The following ITCH variants were observed in gnomAD, a reference collection of about 807,000 sequenced individuals.
The protein encoded by ITCH is itchy E3 ubiquitin protein ligase.
Under a neutral mutation model 126.8 loss-of-function variants are expected in ITCH, and 28 were observed. That is an observed-to-expected ratio of 0.22 (90% CI 0.16 to 0.30). ITCH has a LOEUF of 0.30. Ranked by LOEUF, ITCH falls within the 10% of genes least tolerant of loss-of-function variation. The pLI is 1.00. For synonymous variants in ITCH, 342 were observed against 340.0 expected, an observed-to-expected ratio of 1.01 and a Z score of -0.06; for missense variants, 631 against 1,032.4, an observed-to-expected ratio of 0.61 and a Z score of 5.33.
At position 34,382,536 on chromosome 20, in the gene ITCH, G is replaced by T. The variant is rs150005803; in HGVS notation, c.-21-11255G>T. 4.7e-3 allele frequency among the ~76,000 whole-genome samples: 702 copies of T among 150,924 alleles called. 15 individuals are homozygous for T. Among genetic ancestry groups the T allele is most frequent in the African/African-American group, 0.016 (642 of 41,024 alleles). ...ATTCTCTGTCTCAGCCTCTCAAGTG[G>T]CTGGAATTACAGGCGCCTGCCACCA... On this transcript the variant is annotated intron_variant, in intron 2 of 24. Coordinates refer to ENST00000374864, the MANE Select transcript of ITCH (RefSeq NM_031483.7).
At chr20:34,396,035 A>T (rs865830193) in intron 3 of ITCH, among the ~76,000 whole-genome samples, 5,615 of 136,580 alleles carry the variant, frequency 0.041, 139 homozygotes, top group Non-Finnish European at 0.043. Context: ...TATTATTATT[A>T]TTTTTTTTTT....
chr20:34,490,884 A>T (rs144001130), intron 22 of ITCH, among the ~76,000 whole-genome samples: 5 of 152,348 alleles, frequency 3.3e-5, no homozygotes, highest in Admixed American at 1.3e-4. Flanking sequence ...CTTGTACACC[A>T]GTATTCATCA....
In ITCH at chr20:34,440,353, CTT is replaced by C. The variant is rs767774790; in HGVS notation, c.869+13_869+14del. 4 of 1,602,422 alleles carry C rather than the reference CTT, an allele frequency of 2.5e-6. No individual in the cohort carries two copies. Among genetic ancestry groups the C allele is most frequent in the South Asian group, 1.1e-5 (1 of 90,846 alleles). On this transcript the variant is annotated intron_variant, in intron 9 of 24. Coordinates refer to ENST00000374864, the MANE Select transcript of ITCH (RefSeq NM_031483.7). ...GCTCCCTTGCCACCTGGGTGAGTAACTTTTTAAATTAACATATGTTGTCTTTA... is the reference window on the plus strand; with the variant it reads ...GCTCCCTTGCCACCTGGGTGAGTAACTTTAAATTAACATATGTTGTCTTTA...
At chr20:34,419,359 C>T (rs923033218) in intron 6 of ITCH, among the ~76,000 whole-genome samples, 2 of 152,102 alleles carry the variant, frequency 1.3e-5, no homozygotes, top group African/African-American at 4.8e-5. Context: ...CCTTTCCTTT[C>T]GAGATAATCA....
chr20:34,399,620 C>A (rs1293864979), intron 3 of ITCH, among the ~76,000 whole-genome samples: 3 of 152,092 alleles, frequency 2.0e-5, no homozygotes. Context: ...GCGGGCAGAT[C>A]ATCCGAGGTC....
At chr20:34,503,887 T>TTG (rs1230719512) in intron 23 of ITCH, among the ~76,000 whole-genome samples, 14 of 142,386 alleles carry the variant, frequency 9.8e-5, no homozygotes, top group African/African-American at 3.7e-4. Context: ...TTTTTTTGGT[T>TTG]TTTTTTTTTT....
At chr20:34,479,590 C>A (rs781470214) in intron 17 of ITCH, 40 bp from the exon 18 acceptor site, 3 of 1,566,736 alleles carry the variant, frequency 1.9e-6, no homozygotes, top group African/African-American at 2.7e-5. Context: ...TTCTTGGTAA[C>A]CTACAAGATT....
At chr20:34,502,793 T>C (rs1990344753) in intron 23 of ITCH, among the ~76,000 whole-genome samples, 2 of 151,856 alleles carry the variant, frequency 1.3e-5, no homozygotes, top group African/African-American at 4.8e-5. Context: ...CCAAGGTGGG[T>C]TGATCACTTG....
intron 2 of ITCH, among the ~76,000 whole-genome samples, chr20:34,390,110 ACT>A (rs2038429499): frequency 1.8e-5 from 2 of 111,710 alleles, no homozygotes; most frequent in Admixed American, 2.2e-4. Flanking sequence ...ACAGAGTGAG[ACT>A]CTGTCTCAAA....
chr20:34,418,639 TGTTA>T (rs1376138390), intron 6 of ITCH, among the ~76,000 whole-genome samples: 1 of 152,188 alleles, frequency 6.6e-6, no homozygotes, highest in Non-Finnish European at 1.5e-5. Context: ...TTTGCTGTAA[TGTTA>T]GTTTTAAAAA....
rs1380899169 is a variant in ITCH at position 34,504,412 on chromosome 20, A to C, written c.2489+9A>C. ...CCCAGAAGTCATACCTGGTAAGTACAATCAGAATGGATAGAGAAAACAGCT... is the reference window on the plus strand; with the variant it reads ...CCCAGAAGTCATACCTGGTAAGTACCATCAGAATGGATAGAGAAAACAGCT... On this transcript the variant is annotated intron_variant, in intron 24 of 24. Coordinates refer to ENST00000374864, the MANE Select transcript of ITCH (RefSeq NM_031483.7). 6.4e-7 allele frequency: 1 copy of C among 1,569,554 alleles called. No individual in the cohort carries two copies. Among genetic ancestry groups the C allele is most frequent in the Non-Finnish European group, 8.8e-7 (1 of 1,139,578 alleles).
chr20:34,486,835 C>T (rs1989157873), intron 20 of ITCH, among the ~76,000 whole-genome samples: 1 of 151,230 alleles, frequency 6.6e-6, no homozygotes. Context: ...GCAGCTGGGA[C>T]TACAGGCATG....
intron 23 of ITCH, among the ~76,000 whole-genome samples, chr20:34,503,048 G>A (rs771771002): frequency 2.1e-4 from 32 of 152,122 alleles, no homozygotes; most frequent in Non-Finnish European, 3.7e-4. Flanking sequence ...AACATGCAGA[G>A]TGAGTTAATT....
intron 7 of ITCH, among the ~76,000 whole-genome samples, chr20:34,427,744 C>T (rs1286153383): frequency 3.3e-5 from 5 of 152,126 alleles, no homozygotes; most frequent in East Asian, 1.9e-4. Flanking sequence ...TGAAAGTTCC[C>T]GCATAAAATG....
At chr20:34,376,392 A>G (rs2037846336) in intron 2 of ITCH, among the ~76,000 whole-genome samples, 1 of 151,870 alleles carries the variant, frequency 6.6e-6, no homozygotes, top group South Asian at 2.1e-4. Context: ...CACTGATATC[A>G]TGTCACTGAT....
At chr20:34,458,017 A>G (rs886764498) in intron 13 of ITCH, among the ~76,000 whole-genome samples, 2 of 152,182 alleles carry the variant, frequency 1.3e-5, no homozygotes, top group South Asian at 2.1e-4. Context: ...ATTAACATAT[A>G]TATTATTTTT....
At chr20:34,373,495 C>G (rs2037719248) in intron 2 of ITCH, among the ~76,000 whole-genome samples, 1 of 151,994 alleles carries the variant, frequency 6.6e-6, no homozygotes, top group Non-Finnish European at 1.5e-5. Context: ...AGGCTGGTCT[C>G]AAACTCCTGA....
intron 23 of ITCH, among the ~76,000 whole-genome samples, chr20:34,503,891 T>TG (rs1387931753): frequency 6.9e-6 from 1 of 144,720 alleles, no homozygotes; most frequent in Non-Finnish European, 1.5e-5. Flanking sequence ...TTTGGTTTTT[T>TG]TTTTTTTTGA....
chr20:34,399,363 A>G (rs770543552), intron 3 of ITCH, among the ~76,000 whole-genome samples: 1 of 151,604 alleles, frequency 6.6e-6, no homozygotes, highest in Non-Finnish European at 1.5e-5. Flanking sequence ...TTACACTCCA[A>G]TCTGGGCAAC....
Sources: allele counts gnomAD v4.1 joint callset (sites outside exome capture counted in the v4.1 genomes callset), GRCh38; gene constraint gnomAD v4.1.1; transcripts MANE v1.5; gene names NCBI Gene and HGNC (gene_info 2026-07-23, HGNC 2026-07-21).